KLF12: variants seen among roughly 807,000 people sequenced by gnomAD.
KLF12 encodes Krueppel-like factor 12.
A neutral mutation model predicts 37.8 loss-of-function variants in KLF12; 9 were observed. That is an observed-to-expected ratio of 0.24 (90% CI 0.14 to 0.42). KLF12 has a LOEUF of 0.42. Ranked by LOEUF, KLF12 falls within the 10% of genes least tolerant of loss-of-function variation. The pLI is 1.00. For synonymous variants in KLF12, 208 were observed against 202.1 expected, an observed-to-expected ratio of 1.03 and a Z score of -0.25; for missense variants, 411 against 516.0, an observed-to-expected ratio of 0.80 and a Z score of 1.97.
intron 3 of KLF12, among the ~76,000 whole-genome samples, chr13:73,876,457 G>A (rs1487903928): frequency 6.6e-6 from 1 of 152,076 alleles, no homozygotes; most frequent in East Asian, 1.9e-4. Flanking sequence ...AAAGACAATT[G>A]TGCCACAGGA....
chr13:73,832,137 T>A (rs1185716846), intron 4 of KLF12, among the ~76,000 whole-genome samples: 1 of 152,246 alleles, frequency 6.6e-6, no homozygotes, highest in Admixed American at 6.5e-5. Context: ...TTGTATCATA[T>A]GCAGTGTCTG....
At chr13:74,205,690 T>C in the KLF12 span, among the ~76,000 whole-genome samples, 1 of 152,128 alleles carries the variant, frequency 6.6e-6, no homozygotes, top group Non-Finnish European at 1.5e-5. Flanking sequence ...TGTCTTTATA[T>C]TATTTAAAAG....
At chr13:73,955,488 C>T (rs549639196) in intron 2 of KLF12, among the ~76,000 whole-genome samples, 31 of 152,236 alleles carry the variant, frequency 2.0e-4, no homozygotes, top group African/African-American at 7.0e-4. Context: ...AAAACTGTGA[C>T]GATGTACACA....
chr13:73,698,888 T>C (rs889623495), intron 7 of KLF12, among the ~76,000 whole-genome samples: 2 of 152,218 alleles, frequency 1.3e-5, no homozygotes, highest in Admixed American at 6.5e-5. Flanking sequence ...GATTATATAT[T>C]ACACATTGGG....
intron 1 of KLF12, among the ~76,000 whole-genome samples, chr13:74,035,920 C>A (rs1172377707): frequency 6.6e-6 from 1 of 152,152 alleles, no homozygotes; most frequent in East Asian, 1.9e-4. Flanking sequence ...CTATTCATAA[C>A]TTTAATGTGA....
At chr13:74,025,563 T>TAAA (rs113282471) in intron 1 of KLF12, among the ~76,000 whole-genome samples, 5 of 140,366 alleles carry the variant, frequency 3.6e-5, no homozygotes, top group Admixed American at 7.2e-5. Flanking sequence ...TGTTCAGAGT[T>TAAA]AAAAAAAAAA....
chr13:73,722,429 C>G (rs1198655830), intron 6 of KLF12, among the ~76,000 whole-genome samples: 1 of 152,178 alleles, frequency 6.6e-6, no homozygotes, highest in African/African-American at 2.4e-5. Flanking sequence ...TAGTGCCTGT[C>G]AAACCATGTC....
At chr13:73,905,828 C>T (rs1041158009) in intron 3 of KLF12, among the ~76,000 whole-genome samples, 1 of 152,016 alleles carries the variant, frequency 6.6e-6, no homozygotes, top group East Asian at 1.9e-4. Context: ...TTTCAAAATG[C>T]TATTATTCCT....
intron 4 of KLF12, among the ~76,000 whole-genome samples, chr13:73,842,454 C>T (rs564004183): frequency 6.6e-6 from 1 of 152,180 alleles, no homozygotes; most frequent in African/African-American, 2.4e-5. Context: ...CTTTGCCCAA[C>T]ACTGTATCTT....
chr13:74,063,457 A>T (rs1024197735), intron 1 of KLF12, among the ~76,000 whole-genome samples: 4 of 152,200 alleles, frequency 2.6e-5, no homozygotes, highest in African/African-American at 9.6e-5. Context: ...AACAACCTTC[A>T]TATTTCATTT....
At chr13:74,275,806 CCTTCT>C in the KLF12 span, among the ~76,000 whole-genome samples, 1,781 of 78,724 alleles carry the variant, frequency 0.023, 14 homozygotes, top group East Asian at 0.027. Flanking sequence ...TTCTTTCTTT[CCTTCT>C]TTCTTTCTTT....
intron 1 of KLF12, among the ~76,000 whole-genome samples, chr13:74,037,869 G>A (rs1049283247): frequency 2.0e-5 from 3 of 152,184 alleles, no homozygotes; most frequent in African/African-American, 7.2e-5. Context: ...AGTTCTTCAT[G>A]CCATAGTTAA....
chr13:73,740,920 C>T lies in KLF12; in HGVS notation c.869+24018G>A, dbSNP rs569440484. Among the ~76,000 whole-genome samples, 5 of 152,174 alleles carry T rather than the reference C, an allele frequency of 3.3e-5. No homozygotes were observed. The East Asian group carries it at 5.8e-4, about 18-fold the overall frequency. On this transcript the variant is annotated intron_variant, in intron 6 of 7. Coordinates refer to ENST00000377669, the MANE Select transcript of KLF12 (RefSeq NM_007249.5). ...CAGTATCACTTACAGATGCAAAGCC[C>T]GCCCAGTGCTAACGCAGTTTACACA...
At chr13:73,823,808 T>C (rs1401950425) in intron 4 of KLF12, among the ~76,000 whole-genome samples, 1 of 152,148 alleles carries the variant, frequency 6.6e-6, no homozygotes, top group Non-Finnish European at 1.5e-5. Context: ...CCTCCTGGGT[T>C]CAAGCTATTC....
chr13:74,235,535 A>G, the KLF12 span, among the ~76,000 whole-genome samples: 2 of 152,228 alleles, frequency 1.3e-5, no homozygotes, highest in Non-Finnish European at 2.9e-5. Flanking sequence ...TTTGACTAAA[A>G]TATGTACATC....
At chr13:73,826,930 G>A (rs1883878227) in intron 4 of KLF12, among the ~76,000 whole-genome samples, 2 of 152,088 alleles carry the variant, frequency 1.3e-5, no homozygotes, top group Middle Eastern at 6.8e-3. Context: ...TACAGGTGTG[G>A]GCCATCATGC....
the KLF12 span, among the ~76,000 whole-genome samples, chr13:74,155,237 G>A: frequency 2.6e-5 from 4 of 151,892 alleles, no homozygotes; most frequent in Non-Finnish European, 5.9e-5. Flanking sequence ...ACATGCAGCG[G>A]GTTTAAAATT....
intron 1 of KLF12, among the ~76,000 whole-genome samples, chr13:74,097,820 C>T (rs745521921): frequency 2.6e-5 from 4 of 151,688 alleles, no homozygotes; most frequent in Non-Finnish European, 5.9e-5. Context: ...TTTCCCCACA[C>T]TTCAGACCCC....
At chr13:74,029,907 T>C (rs775126219) in intron 1 of KLF12, among the ~76,000 whole-genome samples, 1 of 151,996 alleles carries the variant, frequency 6.6e-6, no homozygotes, top group Non-Finnish European at 1.5e-5. Flanking sequence ...TGAAAAAGTA[T>C]GGAAAGGAAG....
Sources: allele counts gnomAD v4.1 joint callset (sites outside exome capture counted in the v4.1 genomes callset), GRCh38; gene constraint gnomAD v4.1.1; transcripts MANE v1.5; gene names NCBI Gene and HGNC (gene_info 2026-07-23, HGNC 2026-07-21).